Variants in PXT1 observed in about 807,000 individuals in gnomAD.
PXT1 encodes peroxisomal testis enriched protein 1, also known as peroxisomal testis-specific protein 1.
PXT1 carries 11 observed loss-of-function variants against 11.0 expected under a neutral mutation model. That is an observed-to-expected ratio of 1.00 (90% CI 0.63 to 1.66). The LOEUF (loss-of-function observed/expected upper bound fraction) is 1.66, where lower values mean the gene tolerates loss of function less well. Among genes scored for constraint, PXT1 ranks in the 40% most tolerant of loss-of-function variants. The probability of loss-of-function intolerance (pLI) is 0.00; values close to 1 mark genes in which losing one functional copy is unlikely to be tolerated. For missense variants in PXT1, 141 were observed against 155.5 expected, an observed-to-expected ratio of 0.91 and a Z score of 0.49; for synonymous variants, 43 against 51.4, an observed-to-expected ratio of 0.84 and a Z score of 0.70.
At position 36,415,311 on chromosome 6, in the gene PXT1, C is replaced by A. The variant is rs187793662; in HGVS notation, c.169+10603G>T. Reference sequence around the variant, plus strand: ...TACAAAAATTAGCCAGACATGGTGGCGCGTGCCTGTAATCCCAGCTACTAG... The same window carrying A: ...TACAAAAATTAGCCAGACATGGTGGAGCGTGCCTGTAATCCCAGCTACTAG... On this transcript the variant is annotated intron_variant, in intron 3 of 4. Coordinates refer to ENST00000454782, the MANE Select transcript of PXT1 (RefSeq NM_152990.4). Among the ~76,000 whole-genome samples the A allele has an allele frequency of 2.4e-3, 359 of 152,142 alleles. 1 individual carries two copies. Among genetic ancestry groups the A allele is most frequent in the African/African-American group, 8.1e-3 (338 of 41,508 alleles).
At chr6:36,408,795 T>C (rs752932172) in intron 3 of PXT1, among the ~76,000 whole-genome samples, 62 of 151,820 alleles carry the variant, frequency 4.1e-4, no homozygotes, top group Non-Finnish European at 8.1e-4. Flanking sequence ...GTGAGAGGAT[T>C]GCTTGAGCCT....
At chr6:36,421,400 G>GCCA (rs1774523576) in intron 3 of PXT1, among the ~76,000 whole-genome samples, 1 of 152,172 alleles carries the variant, frequency 6.6e-6, no homozygotes, top group Admixed American at 6.5e-5. Context: ...GTTCGAGGCT[G>GCCA]CCATGAGCTA....
At chr6:36,442,288 C>G (rs557415914) in intron 1 of PXT1, among the ~76,000 whole-genome samples, 57 of 152,252 alleles carry the variant, frequency 3.7e-4, no homozygotes, top group Middle Eastern at 3.4e-3. Context: ...CTCGGCCTCC[C>G]AAAGTGCAAG....
At chr6:36,430,939 T>G (rs1690116713) in intron 2 of PXT1, among the ~76,000 whole-genome samples, 1 of 152,210 alleles carries the variant, frequency 6.6e-6, no homozygotes, top group African/African-American at 2.4e-5. Flanking sequence ...CTCAGCCTCC[T>G]GAGTGGCTGG....
chr6:36,432,031 A>T (rs1484280956), intron 2 of PXT1, among the ~76,000 whole-genome samples: 1 of 152,160 alleles, frequency 6.6e-6, no homozygotes, highest in African/African-American at 2.4e-5. Context: ...AGATTGCGCC[A>T]CTGCAATCCA....
chr6:36,400,030 C>T (rs1207021435), intron 4 of PXT1, among the ~76,000 whole-genome samples: 1 of 152,080 alleles, frequency 6.6e-6, no homozygotes, highest in African/African-American at 2.4e-5. Context: ...CAGGTTGGGC[C>T]CAGGCATCTG....
chr6:36,441,111 GAA>G (rs970159726), intron 1 of PXT1, among the ~76,000 whole-genome samples: 3 of 71,246 alleles, frequency 4.2e-5, no homozygotes, highest in African/African-American at 1.2e-4. Flanking sequence ...TCCACAAAAA[GAA>G]AAAAAAAAAA....
At position 36,394,201 on chromosome 6, in the gene PXT1, T is replaced by C. The variant is rs145389913; in HGVS notation, c.301-2327A>G. On this transcript the variant is annotated intron_variant, in intron 4 of 4. Coordinates refer to ENST00000454782, the MANE Select transcript of PXT1 (RefSeq NM_152990.4). ...GAGTCAGATGCTCATATATTTAAAT[T>C]CTAGTTTTGCCACTTAGAAGCTAAG... 1.3e-3 allele frequency among the ~76,000 whole-genome samples: 193 copies of C among 152,302 alleles called. 1 individual carries two copies. Among genetic ancestry groups the C allele is most frequent in the African/African-American group, 4.1e-3 (171 of 41,578 alleles).
intron 2 of PXT1, among the ~76,000 whole-genome samples, chr6:36,437,718 G>A (rs1223676719): frequency 4.0e-5 from 6 of 149,812 alleles, no homozygotes; most frequent in African/African-American, 1.5e-4. Flanking sequence ...GGGTTTCACC[G>A]TGTTAGCCAG....
At chr6:36,425,389 G>A (rs9470272) in intron 3 of PXT1, among the ~76,000 whole-genome samples, 4,150 of 152,288 alleles carry the variant, frequency 0.027, 191 homozygotes, top group African/African-American at 0.093. Context: ...AGGGCTAATG[G>A]AAACTAAAGA....
At chr6:36,441,249 A>G (rs1221217449) in intron 1 of PXT1, among the ~76,000 whole-genome samples, 1 of 152,224 alleles carries the variant, frequency 6.6e-6, no homozygotes, top group Non-Finnish European at 1.5e-5. Flanking sequence ...AGGCTGTAAC[A>G]CTGTACTTTA....
In PXT1 at chr6:36,391,874, C is replaced by A. The variant is rs1448972331; in HGVS notation, c.301G>T (p.Asp101Tyr). Residue 101 changes from aspartate to tyrosine, a missense_variant and splice_region_variant, in exon 5 of 5, where the codon GAT (aspartate) becomes TAT (tyrosine). Transcript: ENST00000454782. ...GCATCTCTGCCATCCTGTTGAAGAT[C>A]CTATTTGAAAAAAGGGAGACACAGA... ...DNIDHRMVRE[D>Y]LQQDGRDALD... 1.9e-6 allele frequency: 3 copies of A among 1,579,922 alleles called. No homozygotes were observed. Among genetic ancestry groups the A allele is most frequent in the African/African-American group, 2.8e-5 (2 of 72,020 alleles).
At chr6:36,429,504 T>C (rs1774658143) in intron 2 of PXT1, among the ~76,000 whole-genome samples, 1 of 112,522 alleles carries the variant, frequency 8.9e-6, no homozygotes, top group African/African-American at 4.2e-5. Flanking sequence ...TCTTTTTTTC[T>C]TTTCTTTTTT....
chr6:36,440,638 C>T (rs1465280287), intron 1 of PXT1, among the ~76,000 whole-genome samples: 1 of 151,288 alleles, frequency 6.6e-6, no homozygotes, highest in Non-Finnish European at 1.5e-5. Flanking sequence ...GACTCGGGGT[C>T]TTGAGATACC....
chr6:36,426,794 G>A (rs1774614628), intron 2 of PXT1, among the ~76,000 whole-genome samples: 1 of 151,344 alleles, frequency 6.6e-6, no homozygotes, highest in East Asian at 1.9e-4. Flanking sequence ...GGAGAGGGGT[G>A]GAGATGGAAT....
intron 2 of PXT1, among the ~76,000 whole-genome samples, chr6:36,434,766 G>A (rs1342940883): frequency 6.6e-6 from 1 of 152,276 alleles, no homozygotes; most frequent in African/African-American, 2.4e-5. Context: ...GGTATATAAA[G>A]AAGAAATAAA....
chr6:36,421,205 G>A (rs1305050735), intron 3 of PXT1, among the ~76,000 whole-genome samples: 2 of 152,052 alleles, frequency 1.3e-5, no homozygotes, highest in South Asian at 2.1e-4. Flanking sequence ...TGTGGCTGAC[G>A]CCTGTAACCC....
intron 1 of PXT1, among the ~76,000 whole-genome samples, chr6:36,441,656 C>T (rs979157328): frequency 3.9e-5 from 6 of 152,164 alleles, no homozygotes; most frequent in African/African-American, 1.4e-4. Context: ...CGAGTGCAGC[C>T]TCACAGCCTA....
intron 4 of PXT1, among the ~76,000 whole-genome samples, chr6:36,392,694 C>T (rs142671200): frequency 1.3e-5 from 2 of 152,104 alleles, no homozygotes; most frequent in Non-Finnish European, 2.9e-5. Flanking sequence ...ATGTCTAGGA[C>T]TTAGATGGGC....
Sources: gnomAD v4.1 joint callset for allele counts (sites outside exome capture counted in the v4.1 genomes callset) on GRCh38, gnomAD v4.1.1 for gene constraint, MANE v1.5 for transcripts, NCBI Gene and HGNC (gene_info 2026-07-23, HGNC 2026-07-21) for gene names.